Variants in SLC24A4 observed in about 807,000 individuals in gnomAD.
The protein encoded by SLC24A4 is solute carrier family 24 member 4, also known as sodium/potassium/calcium exchanger 4.
SLC24A4 carries 53 observed loss-of-function variants against 79.0 expected under a neutral mutation model. That is an observed-to-expected ratio of 0.67 (90% CI 0.54 to 0.84). The LOEUF (loss-of-function observed/expected upper bound fraction) is 0.84, where lower values mean the gene tolerates loss of function less well. SLC24A4 is among the 40% of genes least tolerant of loss of function. The pLI, the probability that SLC24A4 is intolerant of heterozygous loss-of-function variation, is 0.00. For synonymous variants in SLC24A4, 323 were observed against 323.8 expected (o/e 1.00, Z 0.03); for missense variants, 731 against 822.0 (o/e 0.89, Z 1.35).
At chr14:92,392,077 A>T (rs1889502424) in intron 2 of SLC24A4, among the ~76,000 whole-genome samples, 1 of 152,098 alleles carries the variant, frequency 6.6e-6, no homozygotes, top group Non-Finnish European at 1.5e-5. Context: ...TCCAGGAGAC[A>T]TCTTTCTCAA....
At chr14:92,359,469 T>G (rs771035190) in intron 2 of SLC24A4, among the ~76,000 whole-genome samples, 18 of 151,968 alleles carry the variant, frequency 1.2e-4, no homozygotes, top group Admixed American at 4.6e-4. Context: ...TGTGGTGGTG[T>G]GCACCTGTAA....
At chr14:92,420,006 C>T in intron 2 of SLC24A4, among the ~76,000 whole-genome samples, 1 of 152,110 alleles carries the variant, frequency 6.6e-6, no homozygotes, top group Non-Finnish European at 1.5e-5. Flanking sequence ...GAGGGGAAGG[C>T]CAGATAAAGA....
At chr14:92,463,352 A>C (rs1180873215) in intron 12 of SLC24A4, among the ~76,000 whole-genome samples, 1 of 152,174 alleles carries the variant, frequency 6.6e-6, no homozygotes, top group Non-Finnish European at 1.5e-5. Flanking sequence ...GCGTCTCGGC[A>C]CGTTGGTGAC....
At chr14:92,376,516 T>A (rs558305067) in intron 2 of SLC24A4, among the ~76,000 whole-genome samples, 5 of 152,364 alleles carry the variant, frequency 3.3e-5, no homozygotes, top group Non-Finnish European at 7.3e-5. Context: ...TCCATGGTAT[T>A]TTGCATACAG....
chr14:92,412,896 A>G (rs1333185587), intron 2 of SLC24A4, among the ~76,000 whole-genome samples: 1 of 152,344 alleles, frequency 6.6e-6, no homozygotes, highest in South Asian at 2.1e-4. Flanking sequence ...ACGTTTTTCA[A>G]TGATTGGACA....
Position 92,392,550 on chromosome 14 carries a change from G to A in SLC24A4, c.242-41362G>A, listed in dbSNP as rs377511493. Among the ~76,000 whole-genome samples, 13 of 151,930 alleles carry A rather than the reference G, an allele frequency of 8.6e-5. No individual in the cohort carries two copies. In the East Asian group the frequency reaches 9.6e-4, roughly 11 times the overall value. ...AATCAGCCTTGTTTCTGATGAGGGC[G>A]GTAGCGGCCAGTCGATTGCTATGCA... On this transcript the variant is annotated intron_variant, in intron 2 of 16. Coordinates refer to ENST00000532405, the MANE Select transcript of SLC24A4 (RefSeq NM_153646.4).
At chr14:92,364,254 G>C (rs1234158819) in intron 2 of SLC24A4, among the ~76,000 whole-genome samples, 1 of 152,174 alleles carries the variant, frequency 6.6e-6, no homozygotes, top group African/African-American at 2.4e-5. Flanking sequence ...AGCTGGCATG[G>C]GATGGTTGCA....
In SLC24A4 at chr14:92,398,439, G is replaced by C. The variant is rs778444456; in HGVS notation, c.242-35473G>C. Among the ~76,000 whole-genome samples, 4 of 152,164 alleles carry C rather than the reference G, an allele frequency of 2.6e-5. No individual in the cohort carries two copies. Among genetic ancestry groups the C allele is most frequent in the Non-Finnish European group, 5.9e-5 (4 of 68,036 alleles). ...GGAGAACCGTTTGAGAGGAAGAATG[G>C]GTAAGACTATTGGAGGTGGGAAAGA... On this transcript the variant is annotated intron_variant, in intron 2 of 16. Transcript: ENST00000532405. The surrounding 1 kb of genome is among the most constrained non-coding windows in gnomAD (Gnocchi z 4.1).
chr14:92,383,175 C>T (rs963817175), intron 2 of SLC24A4, among the ~76,000 whole-genome samples: 3 of 152,286 alleles, frequency 2.0e-5, no homozygotes, highest in East Asian at 1.9e-4. Context: ...CTAAAGACCC[C>T]GGGGTCCTCA....
rs892547659 is a variant in SLC24A4 at position 92,353,619 on chromosome 14, T to C, written c.241+27641T>C. ...GGGTGAATCATGGTATCTCAGTTTG[T>C]TTCAGTCATGAGTGAGGTTGAGCAT... On this transcript the variant is annotated intron_variant, in intron 2 of 16. Transcript: ENST00000532405. The surrounding 1 kb of genome is among the most constrained non-coding windows in gnomAD (Gnocchi z 4.1). Among the ~76,000 whole-genome samples, 4 of 152,224 alleles carry C rather than the reference T, an allele frequency of 2.6e-5. No individual in the cohort carries two copies. Among genetic ancestry groups the C allele is most frequent in the Admixed American group, 2.6e-4 (4 of 15,278 alleles).
Position 92,434,081 on chromosome 14 carries a change from AT to A in SLC24A4, c.318+95del, listed in dbSNP as rs1409014442. ...AGCCGTGGCGTGTCTGAGATCTTTT[AT>A]TCTTGTAACAGCCCAGTGAGGAGAG... is the stretch of plus-strand genomic sequence containing the variant. On this transcript the variant is annotated intron_variant, in intron 3 of 16. Coordinates refer to ENST00000532405, the MANE Select transcript of SLC24A4 (RefSeq NM_153646.4). 19 of 1,004,014 alleles carry A rather than the reference AT, an allele frequency of 1.9e-5. No homozygotes were observed. The East Asian group carries it at 4.3e-4, about 23-fold the overall frequency. 62.2% of individuals were successfully genotyped at this position (1,004,014 alleles called of 1,614,324 possible). A position where few individuals can be genotyped will look rare whatever the true frequency, so the allele number is the denominator to read the frequency against.
chr14:92,325,656 C>G (rs995019979), intron 1 of SLC24A4, among the ~76,000 whole-genome samples: 12 of 152,174 alleles, frequency 7.9e-5, no homozygotes, highest in African/African-American at 2.9e-4. Flanking sequence ...GCTGACCCAT[C>G]TGGGACTGGA....
At chr14:92,452,176 G>T (rs1206745740) in intron 10 of SLC24A4, 1 of 152,444 alleles carries the variant, frequency 6.6e-6, no homozygotes, top group Non-Finnish European at 1.5e-5. Flanking sequence ...AATTAGAGAA[G>T]GGGGAGGCCT....
intron 10 of SLC24A4, chr14:92,452,483 C>G (rs1220076232): frequency 6.6e-6 from 1 of 152,158 alleles, no homozygotes; most frequent in Non-Finnish European, 1.5e-5. Context: ...TGTTGATGCT[C>G]CCCATAGAAG....
chr14:92,439,271 T>A, intron 3 of SLC24A4, 64 bp from the exon 4 acceptor site: 1 of 1,407,108 alleles, frequency 7.1e-7, no homozygotes, highest in African/African-American at 1.4e-5. Context: ...TGGGGTGTGG[T>A]GGGCCCTTTG....
chr14:92,438,318 A>G (rs1363798025), intron 3 of SLC24A4, among the ~76,000 whole-genome samples: 1 of 152,206 alleles, frequency 6.6e-6, no homozygotes, highest in East Asian at 1.9e-4. Flanking sequence ...TACCAAGGAT[A>G]CAGGGCCAGG....
intron 2 of SLC24A4, among the ~76,000 whole-genome samples, chr14:92,362,294 C>A (rs1887577896): frequency 6.6e-6 from 1 of 152,054 alleles, no homozygotes; most frequent in Admixed American, 6.5e-5. Flanking sequence ...TTCCAAGATG[C>A]CTGAATGGAG....
chr14:92,455,535 A>G (rs1243377614), intron 11 of SLC24A4, among the ~76,000 whole-genome samples: 2 of 152,236 alleles, frequency 1.3e-5, no homozygotes, highest in Non-Finnish European at 2.9e-5. Flanking sequence ...ATCCATTTAT[A>G]TGAAGTTCAA....
At chr14:92,455,842 G>A (rs1035589265) in intron 11 of SLC24A4, among the ~76,000 whole-genome samples, 4 of 151,890 alleles carry the variant, frequency 2.6e-5, no homozygotes, top group African/African-American at 7.3e-5. Context: ...CTGGGATTAC[G>A]GGGGCCTACC....
Sources: allele counts gnomAD v4.1 joint callset (sites outside exome capture counted in the v4.1 genomes callset), GRCh38; gene constraint gnomAD v4.1.1; non-coding constraint Gnocchi (gnomAD v3.1); transcripts MANE v1.5; gene names NCBI Gene and HGNC (gene_info 2026-07-23, HGNC 2026-07-21).